TINAGL1: variants seen among roughly 807,000 people sequenced by gnomAD.
TINAGL1 encodes the protein tubulointerstitial nephritis antigen like 1, also known as tubulointerstitial nephritis antigen-like.
A neutral mutation model predicts 62.0 loss-of-function variants in TINAGL1; 34 were observed. The observed-to-expected ratio is 0.55, with a 90% CI of 0.42 to 0.73. TINAGL1 has a LOEUF of 0.73. Ranked by LOEUF, TINAGL1 falls within the 30% of genes least tolerant of loss-of-function variation. The pLI, the probability that TINAGL1 is intolerant of heterozygous loss-of-function variation, is 0.00. For synonymous variants in TINAGL1, 221 were observed against 249.7 expected (o/e 0.88, Z 1.08); for missense variants, 516 against 653.2 (o/e 0.79, Z 2.29).
intron 3 of TINAGL1, among the ~76,000 whole-genome samples, chr1:31,582,423 A>AG (rs912348741): frequency 2.0e-5 from 3 of 151,750 alleles, no homozygotes; most frequent in Admixed American, 6.6e-5. Flanking sequence ...TTGAAGGAGG[A>AG]GGGGATCAGG....
At position 31,577,329 on chromosome 1, in the gene TINAGL1, G is replaced by A. The variant is rs540621515; in HGVS notation, c.181G>A (p.Asp61Asn). Residue 61 changes from aspartate to asparagine, a missense_variant, in exon 2 of 12, where the codon GAC becomes AAC. By Grantham distance (23) the Asp-to-Asn change is conservative (BLOSUM62 1). Coordinates refer to ENST00000271064, the MANE Select transcript of TINAGL1 (RefSeq NM_022164.3). The surrounding 1 kb of genome is among the most constrained non-coding windows in gnomAD (Gnocchi z 5.4). ...QDLCCRGRAD[D>N]CALPYLGAIC... ...CCTGTGCTGCCGCGGCCGTGCCGACGACTGTGCCCTGCCCTACCTGGGCGC... is the reference window on the plus strand; with the variant it reads ...CCTGTGCTGCCGCGGCCGTGCCGACAACTGTGCCCTGCCCTACCTGGGCGC... 1.5e-5 allele frequency: 24 copies of A among 1,613,858 alleles called. No individual in the cohort carries two copies. Among genetic ancestry groups the A allele is most frequent in the East Asian group, 4.5e-5 (2 of 44,884 alleles).
In TINAGL1 at chr1:31,577,315, G is replaced by A. The variant is rs372133987; in HGVS notation, c.167G>A (p.Arg56His). The A allele has an allele frequency of 9.3e-6, 15 of 1,613,612 alleles. No homozygotes were observed. Among genetic ancestry groups the A allele is most frequent in the Middle Eastern group, 1.6e-4 (1 of 6,084 alleles). Residue 56 changes from arginine (R) to histidine (H), a missense_variant, in exon 2 of 12, where the codon CGC (arginine) becomes CAC (histidine). By Grantham distance (29) the Arg-to-His change is conservative. Transcript: ENST00000271064. The surrounding 1 kb of genome is among the most constrained non-coding windows in gnomAD (Gnocchi z 5.4). ...RYCQEQDLCC[R>H]GRADDCALPY... Reference sequence around the variant, plus strand: ...TGCCAGGAGCAGGACCTGTGCTGCCGCGGCCGTGCCGACGACTGTGCCCTG... The same window carrying A: ...TGCCAGGAGCAGGACCTGTGCTGCCACGGCCGTGCCGACGACTGTGCCCTG...
At chr1:31,580,136 G>A (rs887333549) in intron 3 of TINAGL1, among the ~76,000 whole-genome samples, 3 of 148,078 alleles carry the variant, frequency 2.0e-5, no homozygotes, top group African/African-American at 5.0e-5. Flanking sequence ...CTGATAGGAT[G>A]GCTCTGGACG....
Position 31,583,861 on chromosome 1 carries a change from A to G in TINAGL1, c.582+286A>G. 2.6e-6 allele frequency: 1 copy of G among 386,346 alleles called. No homozygotes were observed. Among genetic ancestry groups the G allele is most frequent in the South Asian group, 3.8e-5 (1 of 26,528 alleles). The allele number at this position is 386,346 out of a possible 1,614,324, so 23.9% of individuals were successfully genotyped here. On this transcript the variant is annotated intron_variant, in intron 5 of 11. Coordinates refer to ENST00000271064, the MANE Select transcript of TINAGL1 (RefSeq NM_022164.3). The surrounding 1 kb of genome is among the most constrained non-coding windows in gnomAD (Gnocchi z 4.4). ...CTGTTGGTCTCAGTACAGCTGGGTT[A>G]GGGCCCAAGGGGACAGGGGGTCACC... is the stretch of plus-strand genomic sequence containing the variant.
Position 31,586,897 on chromosome 1 carries a change from G to C in TINAGL1, c.1322G>C (p.Arg441Pro), listed in dbSNP as rs200302326. The C allele has an allele frequency of 1.9e-6, 3 of 1,548,944 alleles. No homozygotes were observed. The highest frequency in any genetic ancestry group is 2.0e-5 in the Admixed American group (1 of 49,374). ...GAGAGGGGCCACTTCCGCATCGTGC[G>C]CGGCGTCAATGAGTGCGACATCGAG... is the stretch of plus-strand genomic sequence containing the variant. ...WGERGHFRIV[R>P]GVNECDIESF... Residue 441 changes from arginine (R) to proline (P), a missense_variant, in exon 12 of 12, where the codon CGC (arginine) becomes CCC (proline). By Grantham distance (103) the Arg-to-Pro change is moderately radical. Coordinates refer to ENST00000271064, the MANE Select transcript of TINAGL1 (RefSeq NM_022164.3).
rs748086473 is a variant in TINAGL1 at position 31,585,385 on chromosome 1, A to G, written c.1047+45A>G. Reference sequence around the variant, plus strand: ...AGGGCGCCGAGGCAGGAGGGTTGTGAAAGCCTGGAGTCTCACCCCTGACGT... The same window carrying G: ...AGGGCGCCGAGGCAGGAGGGTTGTGGAAGCCTGGAGTCTCACCCCTGACGT... On this transcript the variant is annotated intron_variant, in intron 8 of 11. Transcript: ENST00000271064. This position sits in a 1 kb window ranked among gnomAD's most constrained non-coding sequence, Gnocchi z 4.3. 1.6e-5 allele frequency: 26 copies of G among 1,607,536 alleles called. No individual in the cohort carries two copies. In the Middle Eastern group the frequency reaches 6.6e-4, roughly 41 times the overall value.
chr1:31,582,193 G>A (rs1381492111), intron 3 of TINAGL1, among the ~76,000 whole-genome samples: 1 of 152,116 alleles, frequency 6.6e-6, no homozygotes, highest in East Asian at 1.9e-4. Context: ...AGCTGGGTGT[G>A]GTGGTGCACT....
chr1:31,585,177 T>C lies in TINAGL1; in HGVS notation c.884T>C (p.Phe295Ser). The change falls in exon 8 of 12, where the codon TTC (phenylalanine) becomes TCC (serine). Residue 295 changes from phenylalanine (F) to serine (S), a missense_variant. Physicochemically the swap from Phe to Ser is radical, Grantham distance 155. Transcript: ENST00000271064. This position sits in a 1 kb window ranked among gnomAD's most constrained non-coding sequence, Gnocchi z 4.3. ...GTGGTGTCTGACCACTGCTACCCCTTCTCGGGCCGTGAACGAGACGAGGCT... is the reference window on the plus strand; with the variant it reads ...GTGGTGTCTGACCACTGCTACCCCTCCTCGGGCCGTGAACGAGACGAGGCT... ...RGVVSDHCYP[F>S]SGRERDEAGP... 6.3e-7 allele frequency: 1 copy of C among 1,593,318 alleles called. No individual in the cohort carries two copies.
Position 31,577,341 on chromosome 1 carries a change from C to A in TINAGL1, c.193C>A (p.Pro65Thr), listed in dbSNP as rs1639009768. Residue 65 changes from proline to threonine, a missense_variant, in exon 2 of 12, where the codon CCC (proline) becomes ACC (threonine). Pro to Thr is a conservative substitution (Grantham distance 38, BLOSUM62 -1). Coordinates refer to ENST00000271064, the MANE Select transcript of TINAGL1 (RefSeq NM_022164.3). This position sits in a 1 kb window ranked among gnomAD's most constrained non-coding sequence, Gnocchi z 5.4. Reference protein sequence around the residue: ...CRGRADDCALPYLGAICYCDL... With the variant: ...CRGRADDCALTYLGAICYCDL... ...CGGCCGTGCCGACGACTGTGCCCTG[C>A]CCTACCTGGGCGCCATCTGTTACTG... is the stretch of plus-strand genomic sequence containing the variant. 6.2e-7 allele frequency: 1 copy of A among 1,613,710 alleles called. No homozygotes were observed. The highest frequency in any genetic ancestry group is 1.3e-5 in the African/African-American group (1 of 74,924).
rs532748833 is a variant in TINAGL1 at position 31,577,933 on chromosome 1, C to T, written c.310+475C>T. Among the ~76,000 whole-genome samples the T allele has an allele frequency of 2.0e-5, 3 of 152,212 alleles. No homozygotes were observed. The highest frequency in any genetic ancestry group is 4.4e-5 in the Non-Finnish European group (3 of 68,044). ...CCCTGTCCAATAGGAGAATCACTTG[C>T]GTTCCTTCCCACAGTTCCATGGGGC... is the stretch of plus-strand genomic sequence containing the variant. On this transcript the variant is annotated intron_variant, in intron 2 of 11. Transcript: ENST00000271064. This position sits in a 1 kb window ranked among gnomAD's most constrained non-coding sequence, Gnocchi z 5.4.
rs532643924 is a variant in TINAGL1 at position 31,585,029 on chromosome 1, C to T, written c.850C>T (p.Arg284Cys). The change falls in exon 7 of 12, where the codon CGC (arginine) becomes TGC (cysteine). Residue 284 changes from arginine (R) to cysteine (C), a missense_variant. Transcript: ENST00000271064. This position sits in a 1 kb window ranked among gnomAD's most constrained non-coding sequence, Gnocchi z 4.3. ...CGATGGTGCCTGGTGGTTCCTGCGTCGCCGAGGGTATGCAGCAACAGGGGA... is the reference window on the plus strand; with the variant it reads ...CGATGGTGCCTGGTGGTTCCTGCGTTGCCGAGGGTATGCAGCAACAGGGGA... ...RLDGAWWFLR[R>C]RGVVSDHCYP... 58 of 1,597,184 alleles carry T rather than the reference C, an allele frequency of 3.6e-5. No homozygotes were observed. The South Asian group carries it at 5.2e-4, about 14-fold the overall frequency.
rs77510620 is a variant in TINAGL1, at chr1:31,583,809, C to G, written c.582+234C>G. ...TTCGTGGTCTTGGCATCAGCTCCCC[C>G]CTGATCTCTCCAGCCTGGGAAAAAT... is the stretch of plus-strand genomic sequence containing the variant. On this transcript the variant is annotated intron_variant, in intron 5 of 11. Coordinates refer to ENST00000271064, the MANE Select transcript of TINAGL1 (RefSeq NM_022164.3). This position sits in a 1 kb window ranked among gnomAD's most constrained non-coding sequence, Gnocchi z 4.4. 25 of 551,078 alleles carry G rather than the reference C, an allele frequency of 4.5e-5. No individual in the cohort carries two copies. Among genetic ancestry groups the G allele is most frequent in the South Asian group, 4.4e-4 (21 of 47,774 alleles). The allele number at this position is 551,078 out of a possible 1,614,324, so 34.1% of individuals were successfully genotyped here. A position where few individuals can be genotyped will look rare whatever the true frequency, so the allele number is the denominator to read the frequency against.
At position 31,577,727 on chromosome 1, in the gene TINAGL1, C is replaced by A; in HGVS notation, c.310+269C>A. 2.0e-6 allele frequency: 1 copy of A among 488,460 alleles called. No individual in the cohort carries two copies. Among genetic ancestry groups the A allele is most frequent in the Non-Finnish European group, 3.6e-6 (1 of 277,566 alleles). The allele number at this position is 488,460 out of a possible 1,614,324, so 30.3% of individuals were successfully genotyped here. A position where few individuals can be genotyped will look rare whatever the true frequency, so the allele number is the denominator to read the frequency against. On this transcript the variant is annotated intron_variant, in intron 2 of 11. Transcript: ENST00000271064. This position sits in a 1 kb window ranked among gnomAD's most constrained non-coding sequence, Gnocchi z 5.4. ...CAGACACGGAAGGTGCTGGCCGCAC[C>A]TGCTGACTCACTCTTGGGCTGATAA...
In TINAGL1 at chr1:31,577,539, G is replaced by A. The variant is rs1406306738; in HGVS notation, c.310+81G>A. On this transcript the variant is annotated intron_variant, in intron 2 of 11. Coordinates refer to ENST00000271064, the MANE Select transcript of TINAGL1 (RefSeq NM_022164.3). The surrounding 1 kb of genome is among the most constrained non-coding windows in gnomAD (Gnocchi z 5.4). ...AGGCTCAAGAGCAAAGCTGATGGAT[G>A]CACTGACATTTCCAGGGGAAGCTCT... 4.2e-6 allele frequency: 6 copies of A among 1,426,674 alleles called. No homozygotes were observed. The highest frequency in any genetic ancestry group is 5.7e-6 in the Non-Finnish European group (6 of 1,048,790). The allele number at this position is 1,426,674 out of a possible 1,614,324, so 88.4% of individuals were successfully genotyped here. A position where few individuals can be genotyped will look rare whatever the true frequency, so the allele number is the denominator to read the frequency against.
intron 3 of TINAGL1, chr1:31,580,329 C>A: frequency 7.8e-7 from 1 of 1,278,730 alleles, no homozygotes. Context: ...CCGGCCCTGC[C>A]TGGACCTGTG....
chr1:31,576,933 G>T lies in TINAGL1; in HGVS notation c.-15-201G>T. On this transcript the variant is annotated intron_variant, in intron 1 of 11. Coordinates refer to ENST00000271064, the MANE Select transcript of TINAGL1 (RefSeq NM_022164.3). The surrounding 1 kb of genome is among the most constrained non-coding windows in gnomAD (Gnocchi z 5.1). ...AAGGTCCCTGCCTAGGTCAGGGAGG[G>T]GCTCCGTTTCTGCCCAGTCCCCATC... The T allele has an allele frequency of 2.0e-6, 1 of 509,916 alleles. No homozygotes were observed. 31.6% of individuals were successfully genotyped at this position (509,916 alleles called of 1,614,324 possible).
rs79817594 is a variant in TINAGL1 at position 31,583,483 on chromosome 1, G to A, written c.490G>A (p.Ala164Thr). ...NYGWQAGNHS[A>T]FWGMTLDEGI... is the part of the protein sequence containing the mutation. ...CAGCTGGCAGGCTGGGAACCACAGC[G>A]CCTTCTGGGGCATGACCCTGGATGA... Residue 164 changes from alanine to threonine, a missense_variant, in exon 5 of 12, where the codon GCC (alanine) becomes ACC (threonine). Coordinates refer to ENST00000271064, the MANE Select transcript of TINAGL1 (RefSeq NM_022164.3). This position sits in a 1 kb window ranked among gnomAD's most constrained non-coding sequence, Gnocchi z 4.4. The A allele has an allele frequency of 6.3e-5, 101 of 1,613,878 alleles. No individual in the cohort carries two copies. Among genetic ancestry groups the A allele is most frequent in the Admixed American group, 3.3e-4 (20 of 60,006 alleles).
intron 3 of TINAGL1, chr1:31,580,398 C>T: frequency 8.5e-6 from 11 of 1,289,290 alleles, no homozygotes; most frequent in Non-Finnish European, 1.1e-5. Flanking sequence ...GTCTACTGCC[C>T]TCTCCTCATG....
At chr1:31,580,900 G>A (rs1639227216) in intron 3 of TINAGL1, 1 of 565,334 alleles carries the variant, frequency 1.8e-6, no homozygotes. Context: ...GAAGGGCATG[G>A]GAAGACAACA....
Sources: allele counts gnomAD v4.1 joint callset (sites outside exome capture counted in the v4.1 genomes callset), GRCh38; gene constraint gnomAD v4.1.1; non-coding constraint Gnocchi (gnomAD v3.1); transcripts MANE v1.5; gene names NCBI Gene and HGNC (gene_info 2026-07-23, HGNC 2026-07-21).